The following LDB2 variants were observed in gnomAD, a reference collection of about 807,000 sequenced individuals.
LDB2 encodes the protein LIM domain binding 2, also known as LIM domain-binding protein 2.
LDB2 carries 12 observed loss-of-function variants against 44.3 expected under a neutral mutation model. That is an observed-to-expected ratio of 0.27 (90% confidence interval 0.17 to 0.44). LDB2 has a LOEUF of 0.44. Among genes scored for constraint, LDB2 ranks in the 20% least tolerant of loss-of-function variants. The pLI is 1.00. For missense variants in LDB2, 344 were observed against 473.5 expected, an observed-to-expected ratio of 0.73 and a Z score of 2.54; for synonymous variants, 164 against 174.8, an observed-to-expected ratio of 0.94 and a Z score of 0.49.
chr4:16,852,796 C>T (rs1788547877), intron 1 of LDB2, among the ~76,000 whole-genome samples: 1 of 152,142 alleles, frequency 6.6e-6, no homozygotes. Flanking sequence ...AAGTCAGTCA[C>T]TAATATGTAA....
chr4:16,874,651 A>G (rs1418986141), intron 1 of LDB2, among the ~76,000 whole-genome samples: 1 of 152,346 alleles, frequency 6.6e-6, no homozygotes, highest in East Asian at 1.9e-4. Context: ...AGCTCTACCT[A>G]ATGCAAAGCC....
intron 2 of LDB2, among the ~76,000 whole-genome samples, chr4:16,614,580 C>CAAAAA (rs1164613202): frequency 1.8e-3 from 99 of 53,742 alleles, no homozygotes; most frequent in Non-Finnish European, 2.4e-3. Flanking sequence ...CAAGAAAAAA[C>CAAAAA]AAAAAAAAAA....
chr4:16,670,211 C>T (rs1295496639), intron 2 of LDB2, among the ~76,000 whole-genome samples: 1 of 152,168 alleles, frequency 6.6e-6, no homozygotes, highest in South Asian at 2.1e-4. Flanking sequence ...GTAGTCAGTC[C>T]TCATGTAGAA....
At chr4:16,880,895 C>A in intron 1 of LDB2, among the ~76,000 whole-genome samples, 1 of 142,696 alleles carries the variant, frequency 7.0e-6, no homozygotes, top group African/African-American at 2.7e-5. Flanking sequence ...GACAGCAAGA[C>A]TCCATCTCAA....
intron 1 of LDB2, among the ~76,000 whole-genome samples, chr4:16,828,398 C>T (rs530561687): frequency 1.3e-5 from 2 of 152,234 alleles, no homozygotes; most frequent in East Asian, 3.9e-4. Context: ...AATACATTTC[C>T]TTCCACCTCC....
intron 2 of LDB2, among the ~76,000 whole-genome samples, chr4:16,681,508 A>G (rs1160306530): frequency 6.6e-6 from 1 of 152,046 alleles, no homozygotes; most frequent in Non-Finnish European, 1.5e-5. Context: ...AAGATAATAC[A>G]TAGGTGTTAC....
At chr4:16,558,370 C>T (rs1398764600) in intron 5 of LDB2, among the ~76,000 whole-genome samples, 1 of 152,094 alleles carries the variant, frequency 6.6e-6, no homozygotes, top group African/African-American at 2.4e-5. Flanking sequence ...CCTAAAGGAG[C>T]TGATGGAGCC....
At chr4:16,632,034 C>T (rs145072189) in intron 2 of LDB2, among the ~76,000 whole-genome samples, 130,484 of 151,116 alleles carry the variant, frequency 0.86, 56,315 homozygotes, top group Admixed American at 0.91. Flanking sequence ...CCATTCCTTC[C>T]GAAACTATTC....
intron 2 of LDB2, among the ~76,000 whole-genome samples, chr4:16,624,305 C>A (rs77776828): frequency 0.027 from 4,133 of 152,210 alleles, 66 homozygotes; most frequent in East Asian, 0.054. Context: ...CTATGTTGCC[C>A]AGGCTAGTCT....
intron 2 of LDB2, among the ~76,000 whole-genome samples, chr4:16,704,039 C>T (rs1754071029): frequency 6.6e-6 from 1 of 152,152 alleles, no homozygotes. Flanking sequence ...GTGACCCATG[C>T]TAAGCCAAGC....
intron 2 of LDB2, among the ~76,000 whole-genome samples, chr4:16,659,609 T>TAC (rs199939773): frequency 6.2e-5 from 9 of 144,740 alleles, no homozygotes; most frequent in South Asian, 2.1e-4. Context: ...ATATATGAAT[T>TAC]ACACACACAC....
At chr4:16,763,347 C>A (rs372684264) in intron 1 of LDB2, among the ~76,000 whole-genome samples, 37 of 151,802 alleles carry the variant, frequency 2.4e-4, no homozygotes, top group African/African-American at 8.9e-4. Context: ...GTGGACCCTA[C>A]TTTGTCTGTT....
At chr4:16,883,018 C>A (rs139952745) in intron 1 of LDB2, among the ~76,000 whole-genome samples, 1 of 151,998 alleles carries the variant, frequency 6.6e-6, no homozygotes, top group African/African-American at 2.4e-5. Context: ...TTTATGAGGA[C>A]GGAAAAAAAA....
chr4:16,616,205 C>A (rs575467119), intron 2 of LDB2, among the ~76,000 whole-genome samples: 14 of 152,228 alleles, frequency 9.2e-5, no homozygotes, highest in African/African-American at 3.1e-4. Context: ...TCTCAGAATG[C>A]GTAGTAGGCG....
chr4:16,511,588 T>C (rs1215811386), intron 6 of LDB2, among the ~76,000 whole-genome samples: 1 of 152,118 alleles, frequency 6.6e-6, no homozygotes, highest in Non-Finnish European at 1.5e-5. Flanking sequence ...CTTTTCATAA[T>C]GTCTGTCATT....
At chr4:16,671,465 C>T (rs1744748755) in intron 2 of LDB2, among the ~76,000 whole-genome samples, 1 of 152,176 alleles carries the variant, frequency 6.6e-6, no homozygotes. Flanking sequence ...CTCAGCTCAC[C>T]TGCCTTTGTC....
At chr4:16,598,265 C>A (rs764122767) in intron 2 of LDB2, among the ~76,000 whole-genome samples, 3 of 152,186 alleles carry the variant, frequency 2.0e-5, no homozygotes, top group Admixed American at 1.3e-4. Context: ...TCACTTTGTT[C>A]TCAGGAAGAA....
intron 2 of LDB2, among the ~76,000 whole-genome samples, chr4:16,618,193 T>C (rs1186758726): frequency 6.6e-6 from 1 of 152,104 alleles, no homozygotes; most frequent in Admixed American, 6.5e-5. Context: ...AAGATAACGA[T>C]TCCCAGGCCT....
chr4:16,857,133 A>G (rs1394968464), intron 1 of LDB2, among the ~76,000 whole-genome samples: 3 of 152,182 alleles, frequency 2.0e-5, no homozygotes, highest in Non-Finnish European at 4.4e-5. Context: ...TGGAATACCC[A>G]TGGAGTTTAT....
Sources: gnomAD v4.1 joint callset for allele counts (sites outside exome capture counted in the v4.1 genomes callset) on GRCh38, gnomAD v4.1.1 for gene constraint, MANE v1.5 for transcripts, NCBI Gene and HGNC (gene_info 2026-07-23, HGNC 2026-07-21) for gene names.